The following ARFGEF1 variants were observed in gnomAD, a reference collection of about 807,000 sequenced individuals.
The protein encoded by ARFGEF1 is brefeldin A-inhibited guanine nucleotide-exchange protein 1.
In ARFGEF1, 42 loss-of-function variants were observed where a neutral mutation model predicts 231.0. The ratio of observed to expected loss-of-function variants is 0.18; its 90% CI spans 0.14 to 0.24. The LOEUF (loss-of-function observed/expected upper bound fraction) is 0.24, where lower values mean the gene tolerates loss of function less well. Among genes scored for constraint, ARFGEF1 ranks in the 10% least tolerant of loss-of-function variants. The pLI, the probability that ARFGEF1 is intolerant of heterozygous loss-of-function variation, is 1.00. For missense variants in ARFGEF1, 1,345 were observed against 2,192.0 expected (o/e 0.61, Z 7.72); for synonymous variants, 710 against 732.3 (o/e 0.97, Z 0.49).
chr8:67,258,440 TCGGCCTCCCGAG>T, intron 15 of ARFGEF1, 150 bp from the exon 16 acceptor site: 1 of 584,950 alleles, frequency 1.7e-6, no homozygotes, highest in Non-Finnish European at 2.9e-6. Flanking sequence ...TTCTCCTGCC[TCGGCCTCCCGAG>T]TAGCTGGGAT....
At chr8:67,311,800 G>A (rs1807081587) in intron 1 of ARFGEF1, among the ~76,000 whole-genome samples, 1 of 152,204 alleles carries the variant, frequency 6.6e-6, no homozygotes, top group Non-Finnish European at 1.5e-5. Flanking sequence ...TAGAAAGGCG[G>A]GAAAGGTGGG....
At chr8:67,177,674 C>A in intron 5 of ARFGEF1, 2 of 1,603,322 alleles carry the variant, frequency 1.2e-6, no homozygotes, top group Non-Finnish European at 8.5e-7. Flanking sequence ...TCTCCATTGA[C>A]TACAGTTGAC....
intron 5 of ARFGEF1, among the ~76,000 whole-genome samples, chr8:67,190,047 A>T (rs1165302310): frequency 6.6e-6 from 1 of 152,216 alleles, no homozygotes; most frequent in South Asian, 2.1e-4. Context: ...GAGTAGAGTT[A>T]ACCATAATAC....
intron 22 of ARFGEF1, among the ~76,000 whole-genome samples, chr8:67,235,064 A>ATG (rs1273405471): frequency 3.5e-5 from 5 of 144,592 alleles, no homozygotes; most frequent in Non-Finnish European, 5.9e-5. Flanking sequence ...AAATATGTGT[A>ATG]TGTGTGTATA....
intron 23 of ARFGEF1, among the ~76,000 whole-genome samples, chr8:67,232,300 TATGTGCTGGACATTTTAAA>T (rs1208759680): frequency 1.3e-5 from 2 of 152,076 alleles, no homozygotes; most frequent in African/African-American, 4.8e-5. Context: ...GACATTGTTC[TATGTGCTGGACATTTTAAA>T]ATTGGAAATA....
At chr8:67,304,681 T>C (rs961067007) in intron 1 of ARFGEF1, among the ~76,000 whole-genome samples, 2 of 152,174 alleles carry the variant, frequency 1.3e-5, no homozygotes, top group African/African-American at 4.8e-5. Flanking sequence ...TAGCCGGGCA[T>C]GGCGGTGCAT....
chr8:67,236,614 C>A (rs980153581), intron 22 of ARFGEF1, among the ~76,000 whole-genome samples: 1 of 151,820 alleles, frequency 6.6e-6, no homozygotes, highest in Non-Finnish European at 1.5e-5. Flanking sequence ...CCAACAGGGG[C>A]CAAGTCCACA....
At chr8:67,335,101 A>ATTTTTT (rs1166810807) in intron 1 of ARFGEF1, among the ~76,000 whole-genome samples, 2 of 132,364 alleles carry the variant, frequency 1.5e-5, no homozygotes, top group Admixed American at 7.8e-5. Flanking sequence ...ATCACGGTAA[A>ATTTTTT]TTTTTTTTTT....
In ARFGEF1 at chr8:67,198,958, C is replaced by T. The variant is rs1262647842; in HGVS notation, c.5526G>A (p.Gln1842=). Residue 1842 remains glutamine (Q), a synonymous_variant, in exon 39 of 39, where the codon CAG becomes CAA. Transcript: ENST00000262215. ...ATCATTGCTTGTTTATTCCAAGTTC[C>T]TGTTCAGGTGGTTGTGATATCTGAA... The part of the protein sequence containing the change: ...VVFQISQPPE[Q]ELGINKQ 6.2e-7 allele frequency: 1 copy of T among 1,613,322 alleles called. No homozygotes were observed. The highest frequency in any genetic ancestry group is 8.5e-7 in the Non-Finnish European group (1 of 1,179,760).
chr8:67,302,905 T>TAAAAAAAAAAAAAAAAAAAAAAAAAA (rs1563902346), intron 1 of ARFGEF1, among the ~76,000 whole-genome samples: 3 of 100,232 alleles, frequency 3.0e-5, no homozygotes, highest in African/African-American at 1.2e-4. Flanking sequence ...ACCCCATCTC[T>TAAAAAAAAAAAAAAAAAAAAAAAAAA]TAAAAAAAAA....
chr8:67,193,121 G>GA (rs1400834397), downstream of ARFGEF1, among the ~76,000 whole-genome samples: 2 of 151,978 alleles, frequency 1.3e-5, no homozygotes, highest in African/African-American at 4.8e-5. Context: ...TGATTTGCTG[G>GA]TTTTTTTCTT....
At chr8:67,228,354 TTA>T (rs1839447404) in intron 23 of ARFGEF1, 90 bp from the exon 24 acceptor site, 1 of 1,297,002 alleles carries the variant, frequency 7.7e-7, no homozygotes, top group Non-Finnish European at 1.1e-6. Context: ...CTAGCTATTT[TTA>T]TGTTTTAAGG....
chr8:67,317,542 C>T (rs530546312), intron 1 of ARFGEF1, among the ~76,000 whole-genome samples: 44 of 147,536 alleles, frequency 3.0e-4, no homozygotes, highest in African/African-American at 1.1e-3. Context: ...TAGAATCCAG[C>T]AAGGTATAAA....
intron 7 of ARFGEF1, among the ~76,000 whole-genome samples, chr8:67,284,246 A>G (rs1469115902): frequency 3.9e-5 from 6 of 152,144 alleles, no homozygotes; most frequent in Non-Finnish European, 2.9e-5. Flanking sequence ...GTACTCTAAC[A>G]AAAAATGAGA....
At chr8:67,192,308 C>T (rs1173629562) in intron 5 of ARFGEF1, among the ~76,000 whole-genome samples, 1 of 152,118 alleles carries the variant, frequency 6.6e-6, no homozygotes. Context: ...CTCCTAACCT[C>T]GGGTGATCCA....
At chr8:67,288,458 T>C in intron 6 of ARFGEF1, among the ~76,000 whole-genome samples, 1 of 150,822 alleles carries the variant, frequency 6.6e-6, no homozygotes, top group East Asian at 1.9e-4. Context: ...GTAGGCTGGG[T>C]GCAGTGGCTC....
At chr8:67,311,894 G>C (rs1455778029) in intron 1 of ARFGEF1, among the ~76,000 whole-genome samples, 3 of 152,200 alleles carry the variant, frequency 2.0e-5, no homozygotes, top group Non-Finnish European at 2.9e-5. Context: ...TCTGTACTAA[G>C]AAAAATTCTT....
intron 18 of ARFGEF1, among the ~76,000 whole-genome samples, chr8:67,251,763 G>A (rs1481579576): frequency 6.6e-6 from 1 of 151,892 alleles, no homozygotes; most frequent in Non-Finnish European, 1.5e-5. Flanking sequence ...GTTGCACAAC[G>A]TTATGAATGT....
intron 9 of ARFGEF1, among the ~76,000 whole-genome samples, chr8:67,275,622 T>C (rs1323321183): frequency 3.3e-5 from 5 of 152,166 alleles, no homozygotes; most frequent in Non-Finnish European, 5.9e-5. Flanking sequence ...CATTAATTCA[T>C]TCATTTGGTA....
Sources: allele counts gnomAD v4.1 joint callset (sites outside exome capture counted in the v4.1 genomes callset), GRCh38; gene constraint gnomAD v4.1.1; transcripts MANE v1.5; gene names NCBI Gene and HGNC (gene_info 2026-07-23, HGNC 2026-07-21).